The following CFAP100 variants were observed in gnomAD, a reference collection of about 807,000 sequenced individuals.
CFAP100 encodes the protein cilia- and flagella-associated protein 100.
A neutral mutation model predicts 81.5 loss-of-function variants in CFAP100; 70 were observed. That is an observed-to-expected ratio of 0.86 (90% confidence interval 0.71 to 1.05). The LOEUF (loss-of-function observed/expected upper bound fraction) is 1.05. Ranked by LOEUF, CFAP100 falls within the 50% of genes least tolerant of loss-of-function variation. CFAP100 has a pLI of 0.00. For missense variants in CFAP100, 811 were observed against 776.5 expected (o/e 1.04, Z -0.53); for synonymous variants, 341 against 314.8 (o/e 1.08, Z -0.88).
chr3:126,404,717 C>T (rs2083036636), intron 2 of CFAP100, among the ~76,000 whole-genome samples: 1 of 152,170 alleles, frequency 6.6e-6, no homozygotes, highest in Non-Finnish European at 1.5e-5. Flanking sequence ...CTCTGTCGCC[C>T]AGGCTGGAGT....
chr3:126,411,298 T>C (rs190665237), intron 3 of CFAP100, among the ~76,000 whole-genome samples: 2 of 151,826 alleles, frequency 1.3e-5, no homozygotes, highest in East Asian at 3.9e-4. Flanking sequence ...TAATGTTTTG[T>C]TGAGGATTTT....
chr3:126,416,262 C>G lies in CFAP100; in HGVS notation c.226-54C>G, dbSNP rs2083237335. 3.8e-6 allele frequency: 5 copies of G among 1,321,862 alleles called. No homozygotes were observed. In the South Asian group the frequency reaches 6.9e-5, roughly 18 times the overall value. The allele number at this position is 1,321,862 out of a possible 1,614,324, so 81.9% of individuals were successfully genotyped here. A position where few individuals can be genotyped will look rare whatever the true frequency, so the allele number is the denominator to read the frequency against. On this transcript the variant is annotated intron_variant, in intron 4 of 16. Coordinates refer to ENST00000352312, the MANE Select transcript of CFAP100 (RefSeq NM_182628.3). Reference sequence around the variant, plus strand: ...AGGAATGGGGAACCGCGCGGGGAGGCCTGGACGCGGGTGGGGAGCCTGGGC... The same window carrying G: ...AGGAATGGGGAACCGCGCGGGGAGGGCTGGACGCGGGTGGGGAGCCTGGGC...
Position 126,436,327 on chromosome 3 carries a change from G to A in CFAP100, c.1759G>A (p.Ala587Thr), listed in dbSNP as rs2107621645. Residue 587 changes from alanine to threonine, a missense_variant, in exon 17 of 17, where the codon GCC becomes ACC. Physicochemically the swap from Ala to Thr is moderately conservative, Grantham distance 58 (BLOSUM62 0). Coordinates refer to ENST00000352312, the MANE Select transcript of CFAP100 (RefSeq NM_182628.3). Reference protein sequence around the residue: ...RTLVCRSRPPAHRIKQQSEHT... With the variant: ...RTLVCRSRPPTHRIKQQSEHT... Reference sequence around the variant, plus strand: ...ACTGGTATGCCGCTCACGACCCCCAGCCCACAGGATCAAACAACAGTCTGA... The same window carrying A: ...ACTGGTATGCCGCTCACGACCCCCAACCCACAGGATCAAACAACAGTCTGA... The A allele has an allele frequency of 2.5e-6, 4 of 1,614,038 alleles. No homozygotes were observed. The highest frequency in any genetic ancestry group is 1.7e-6 in the Non-Finnish European group (2 of 1,179,942).
At chr3:126,409,140 A>G (rs1323911293) in intron 3 of CFAP100, among the ~76,000 whole-genome samples, 1 of 152,118 alleles carries the variant, frequency 6.6e-6, no homozygotes, top group East Asian at 1.9e-4. Flanking sequence ...CACCCTATGA[A>G]GATCTAGACC....
At chr3:126,434,543 T>G in intron 15 of CFAP100, 162 bp downstream of exon 15, 3 of 614,276 alleles carry the variant, frequency 4.9e-6, no homozygotes, top group South Asian at 2.0e-5. Context: ...TAGAGGGGCA[T>G]CACAGTCAAG....
Position 126,423,346 on chromosome 3 carries a change from C to A in CFAP100, c.1104C>A (p.Pro368=), listed in dbSNP as rs78360289. Residue 368 remains proline, a synonymous_variant, in exon 12 of 17, where the codon CCC becomes CCA. Transcript: ENST00000352312. ...DSRGSNSPIP[P]TQEDTDSDGE... ...GCAGGTCGAACTCTCCCATCCCCCCCACGCAGGAGGACACCGACAGCGATG... is the reference window on the plus strand; with the variant it reads ...GCAGGTCGAACTCTCCCATCCCCCCAACGCAGGAGGACACCGACAGCGATG... 1.9e-4 allele frequency: 303 copies of A among 1,613,636 alleles called. 1 individual carries two copies. The African/African-American group carries it at 2.6e-3, about 14-fold the overall frequency.
intron 10 of CFAP100, 34 bp downstream of exon 10, chr3:126,420,055 G>A: frequency 6.2e-7 from 1 of 1,613,292 alleles, no homozygotes; most frequent in Non-Finnish European, 8.5e-7. Context: ...GGAGGAGCCT[G>A]GCTCTGCCCT....
rs760445522 is a variant in CFAP100, at chr3:126,419,759, C to A, written c.854C>A (p.Ala285Asp). Residue 285 changes from alanine to aspartate, a missense_variant, in exon 9 of 17, where the codon GCC becomes GAC. Transcript: ENST00000352312. ...QEKKHSFLKK[A>D]KEVSEASKES... ...AAGAAACACTCGTTTCTCAAAAAGG[C>A]CAAGGAGGTCTCCGAGGCTTCCAAA... The A allele has an allele frequency of 5.0e-6, 8 of 1,614,048 alleles. No homozygotes were observed. Among genetic ancestry groups the A allele is most frequent in the Non-Finnish European group, 3.4e-6 (4 of 1,180,046 alleles).
rs1260259241 is a variant in CFAP100 at position 126,416,298 on chromosome 3, T to G, written c.226-18T>G. ...GTGGGGAGCCTGGGCCCCGCCCGACTTGGCCCGACGCCCCCAGGAACGGCA... is the reference window on the plus strand; with the variant it reads ...GTGGGGAGCCTGGGCCCCGCCCGACGTGGCCCGACGCCCCCAGGAACGGCA... On this transcript the variant is annotated intron_variant, in intron 4 of 16. Coordinates refer to ENST00000352312, the MANE Select transcript of CFAP100 (RefSeq NM_182628.3). 6 of 1,572,788 alleles carry G rather than the reference T, an allele frequency of 3.8e-6. No individual in the cohort carries two copies. The highest frequency in any genetic ancestry group is 5.2e-6 in the Non-Finnish European group (6 of 1,154,762).
chr3:126,418,608 C>T lies in CFAP100; in HGVS notation c.487-3C>T. The T allele has an allele frequency of 6.2e-7, 1 of 1,609,122 alleles. No individual in the cohort carries two copies. Reference sequence around the variant, plus strand: ...ACCATGACCCCACTCTGCTGGCCCCCAGTATGCCCTGGATGTCAAGCGGAG... The same window carrying T: ...ACCATGACCCCACTCTGCTGGCCCCTAGTATGCCCTGGATGTCAAGCGGAG... On this transcript the variant is annotated splice_region_variant and splice_polypyrimidine_tract_variant and intron_variant, in intron 6 of 16. Coordinates refer to ENST00000352312, the MANE Select transcript of CFAP100 (RefSeq NM_182628.3).
chr3:126,424,442 A>G (rs369690990), intron 13 of CFAP100, among the ~76,000 whole-genome samples: 311 of 152,332 alleles, frequency 2.0e-3, no homozygotes, highest in African/African-American at 6.8e-3. Context: ...CCCAGCTCTC[A>G]CCTGGAGCCC....
At chr3:126,435,988 G>T (rs943012638) in intron 16 of CFAP100, among the ~76,000 whole-genome samples, 1 of 152,148 alleles carries the variant, frequency 6.6e-6, no homozygotes, top group African/African-American at 2.4e-5. Flanking sequence ...CCGTCACTGG[G>T]GTCCCCCTAC....
rs1236483686 is a variant in CFAP100 at position 126,420,227 on chromosome 3, A to G, written c.1080A>G (p.Arg360=). The G allele has an allele frequency of 6.2e-7, 1 of 1,611,352 alleles. No homozygotes were observed. The highest frequency in any genetic ancestry group is 1.3e-5 in the African/African-American group (1 of 74,462). ...GCGAGTCCAGCGGTGGCGACTCCAGAGGGTGAGTGGGCTCGGGTGGTTGGG... is the reference window on the plus strand; with the variant it reads ...GCGAGTCCAGCGGTGGCGACTCCAGGGGGTGAGTGGGCTCGGGTGGTTGGG... ...QPSESSGGDS[R]GSNSPIPPTQ... Residue 360 remains arginine (R), a splice_region_variant and synonymous_variant, in exon 11 of 17, where the codon AGA becomes AGG. Transcript: ENST00000352312.
At chr3:126,402,773 G>C (rs978366853) in intron 2 of CFAP100, among the ~76,000 whole-genome samples, 1 of 151,652 alleles carries the variant, frequency 6.6e-6, no homozygotes, top group Admixed American at 6.6e-5. Context: ...AGAAGACTTG[G>C]TTAATATGCC....
rs1419203115 is a variant in CFAP100, at chr3:126,414,184, G to A, written c.225+5G>A. 1 of 1,608,572 alleles carries A rather than the reference G, an allele frequency of 6.2e-7. No individual in the cohort carries two copies. The highest frequency in any genetic ancestry group is 1.1e-5 in the South Asian group (1 of 90,958). ...GAGCGGAATAAGGCTCTCTCCGTGA[G>A]TATCCAGGACAGACGCCAGCACCTC... On this transcript the variant is annotated splice_donor_5th_base_variant and intron_variant, in intron 4 of 16. Transcript: ENST00000352312.
At position 126,436,531 on chromosome 3, in the gene CFAP100, C is replaced by G. The variant is rs762679215; in HGVS notation, c.*127C>G. On this transcript the variant is annotated 3_prime_UTR_variant, in exon 17 of 17. Transcript: ENST00000352312. ...TGTCTCCTGTGTGCTCCCTTCCTCA[C>G]CTGAATAAATTCATGTCTCTCTGGA... 7 of 666,180 alleles carry G rather than the reference C, an allele frequency of 1.1e-5. No individual in the cohort carries two copies. Among genetic ancestry groups the G allele is most frequent in the Non-Finnish European group, 1.9e-5 (7 of 374,080 alleles). 41.3% of individuals were successfully genotyped at this position (666,180 alleles called of 1,614,324 possible). A position where few individuals can be genotyped will look rare whatever the true frequency, so the allele number is the denominator to read the frequency against.
chr3:126,434,015 C>T, intron 14 of CFAP100, 161 bp from the exon 15 acceptor site: 2 of 637,218 alleles, frequency 3.1e-6, no homozygotes, highest in Non-Finnish European at 5.4e-6. Flanking sequence ...CCAAGAAAAG[C>T]CAGTTCCCCA....
At chr3:126,417,989 G>A (rs1376851576) in intron 5 of CFAP100, 1 of 161,250 alleles carries the variant, frequency 6.2e-6, no homozygotes, top group African/African-American at 2.4e-5. Flanking sequence ...ACTTCCTCCT[G>A]TCTGGTTTAA....
At chr3:126,421,288 G>A (rs374561911) in intron 11 of CFAP100, among the ~76,000 whole-genome samples, 5 of 152,318 alleles carry the variant, frequency 3.3e-5, no homozygotes, top group South Asian at 2.1e-4. Context: ...ACAGGCATGA[G>A]CCACTACACC....
Sources: gnomAD v4.1 joint callset for allele counts (sites outside exome capture counted in the v4.1 genomes callset) on GRCh38, gnomAD v4.1.1 for gene constraint, MANE v1.5 for transcripts, NCBI Gene and HGNC (gene_info 2026-07-23, HGNC 2026-07-21) for gene names.